Variants in ZNF438 observed in about 807,000 individuals in gnomAD.
ZNF438 encodes zinc finger protein 438.
ZNF438 carries 25 observed loss-of-function variants against 38.0 expected under a neutral mutation model. That is an observed-to-expected ratio of 0.66 (90% CI 0.48 to 0.92). The LOEUF is 0.92. Ranked by LOEUF, ZNF438 falls within the 40% of genes least tolerant of loss-of-function variation. The probability of loss-of-function intolerance (pLI) is 0.00; values close to 1 mark genes in which losing one functional copy is unlikely to be tolerated. For synonymous variants in ZNF438, 372 were observed against 364.1 expected (o/e 1.02, Z -0.25); for missense variants, 1,007 against 999.6 (o/e 1.01, Z -0.10).
At chr10:31,004,976 G>A (rs1229025743) in intron 1 of ZNF438, among the ~76,000 whole-genome samples, 2 of 152,186 alleles carry the variant, frequency 1.3e-5, no homozygotes, top group African/African-American at 4.8e-5. Context: ...GTTGGTGATG[G>A]TGTGAAAAAG....
intron 2 of ZNF438, among the ~76,000 whole-genome samples, chr10:30,930,995 C>T (rs570980766): frequency 2.6e-5 from 4 of 152,082 alleles, no homozygotes; most frequent in South Asian, 2.1e-4. Flanking sequence ...GAGACCCTCA[C>T]GGGGCTTGCA....
chr10:31,019,534 T>C (rs111678508), intron 1 of ZNF438, among the ~76,000 whole-genome samples: 5 of 152,292 alleles, frequency 3.3e-5, no homozygotes, highest in African/African-American at 1.2e-4. Context: ...GAAGAATATG[T>C]TTGCAACATC....
chr10:30,845,597 GATAAGATTTC>G, intron 5 of ZNF438, 24 bp from the exon 7 acceptor site: 1 of 1,584,194 alleles, frequency 6.3e-7, no homozygotes, highest in Non-Finnish European at 8.6e-7. Flanking sequence ...TAATAATGAA[GATAAGATTTC>G]ATGGAAAAAT....
chr10:30,894,442 G>T (rs1240616577), intron 3 of ZNF438, among the ~76,000 whole-genome samples: 1 of 152,196 alleles, frequency 6.6e-6, no homozygotes, highest in Non-Finnish European at 1.5e-5. Flanking sequence ...GTATTAATGT[G>T]TGTGTCCTCT....
intron 1 of ZNF438, among the ~76,000 whole-genome samples, chr10:30,972,444 A>G (rs1221015843): frequency 6.6e-6 from 1 of 152,244 alleles, no homozygotes; most frequent in Non-Finnish European, 1.5e-5. Flanking sequence ...TCTAGTTCAC[A>G]GCCATAACTT....
intron 1 of ZNF438, among the ~76,000 whole-genome samples, chr10:30,992,704 T>C (rs2053629329): frequency 6.6e-6 from 1 of 152,228 alleles, no homozygotes; most frequent in Non-Finnish European, 1.5e-5. Context: ...TGAGCCACCG[T>C]GCCCAGCCTG....
exon 5 of ZNF438, chr10:30,848,731 A>C: frequency 6.2e-7 from 1 of 1,614,126 alleles, no homozygotes; most frequent in East Asian, 2.2e-5. Context: ...GGTTCTCACC[A>C]TGATGAAGTT....
intron 2 of ZNF438, among the ~76,000 whole-genome samples, chr10:30,911,514 C>A (rs1298513271): frequency 6.6e-6 from 1 of 152,176 alleles, no homozygotes; most frequent in African/African-American, 2.4e-5. Context: ...ACTGACCTCA[C>A]TTCTCAGGAG....
intron 1 of ZNF438, among the ~76,000 whole-genome samples, chr10:31,028,580 A>G (rs917587297): frequency 1.3e-5 from 2 of 152,160 alleles, no homozygotes; most frequent in African/African-American, 4.8e-5. Flanking sequence ...CTCACAAGTC[A>G]TGGAAGCTGG....
intron 1 of ZNF438, among the ~76,000 whole-genome samples, chr10:30,997,412 G>C (rs1046074918): frequency 3.3e-5 from 5 of 152,110 alleles, no homozygotes; most frequent in African/African-American, 9.7e-5. Context: ...TGAAGAAAAA[G>C]AATGAGAAGA....
At chr10:30,908,896 C>G (rs1207241204) in intron 3 of ZNF438, 37 bp downstream of exon 4, 1 of 152,130 alleles carries the variant, frequency 6.6e-6, no homozygotes, top group Non-Finnish European at 1.5e-5. Flanking sequence ...AAATTAAGAG[C>G]ACTACATCAA....
intron 3 of ZNF438, among the ~76,000 whole-genome samples, chr10:30,908,121 A>C (rs1355143657): frequency 6.6e-6 from 1 of 152,104 alleles, no homozygotes; most frequent in African/African-American, 2.4e-5. Context: ...TAATTTCCAC[A>C]TATCTGTGCA....
chr10:30,931,088 A>G (rs1305990991), intron 2 of ZNF438, among the ~76,000 whole-genome samples: 3 of 152,194 alleles, frequency 2.0e-5, no homozygotes, highest in Non-Finnish European at 4.4e-5. Context: ...CCCAGGCCAC[A>G]GTGACACATG....
chr10:31,023,784 C>T (rs967011376), intron 1 of ZNF438, among the ~76,000 whole-genome samples: 3 of 152,212 alleles, frequency 2.0e-5, no homozygotes, highest in African/African-American at 7.2e-5. Flanking sequence ...GCAACTGCCC[C>T]GCTTCAGTAC....
chr10:30,997,296 A>C (rs899739976), intron 1 of ZNF438, among the ~76,000 whole-genome samples: 2 of 152,208 alleles, frequency 1.3e-5, no homozygotes, highest in Non-Finnish European at 2.9e-5. Context: ...ATAGAAAGGA[A>C]GGTTCTTATT....
chr10:30,890,699 T>A (rs2040572627), intron 3 of ZNF438, among the ~76,000 whole-genome samples: 1 of 152,232 alleles, frequency 6.6e-6, no homozygotes, highest in Non-Finnish European at 1.5e-5. Context: ...TCAAGTCAAG[T>A]AAACATTTCT....
intron 3 of ZNF438, among the ~76,000 whole-genome samples, chr10:30,886,302 T>C (rs777071497): frequency 6.6e-6 from 1 of 152,206 alleles, no homozygotes; most frequent in Non-Finnish European, 1.5e-5. Context: ...GATGAACTTG[T>C]AATTCTTAAG....
intron 1 of ZNF438, among the ~76,000 whole-genome samples, chr10:31,029,081 G>C (rs765471545): frequency 6.6e-6 from 1 of 152,288 alleles, no homozygotes; most frequent in Middle Eastern, 3.4e-3. Context: ...ACTCGGAGGT[G>C]GTTACAGGGA....
At chr10:30,950,068 C>G (rs2047978111) in intron 1 of ZNF438, among the ~76,000 whole-genome samples, 1 of 150,948 alleles carries the variant, frequency 6.6e-6, no homozygotes, top group Non-Finnish European at 1.5e-5. Context: ...ACAGTGCAAT[C>G]AAACTAGAAC....
Sources: allele counts gnomAD v4.1 joint callset (sites outside exome capture counted in the v4.1 genomes callset), GRCh38; gene constraint gnomAD v4.1.1; transcripts MANE v1.5; gene names NCBI Gene and HGNC (gene_info 2026-07-23, HGNC 2026-07-21).